SVEP1: variants seen among roughly 807,000 people sequenced by gnomAD.
SVEP1 encodes the protein sushi, von Willebrand factor type A, EGF and pentraxin domain containing 1.
SVEP1 carries 164 observed loss-of-function variants against 367.3 expected under a neutral mutation model. The ratio of observed to expected loss-of-function variants is 0.45; its 90% confidence interval spans 0.39 to 0.51. SVEP1 has a LOEUF of 0.51. Ranked by LOEUF, SVEP1 falls within the 20% of genes least tolerant of loss-of-function variation. SVEP1 has a pLI of 0.00. For synonymous variants in SVEP1, 1,666 were observed against 1,611.6 expected (o/e 1.03, Z -0.81); for missense variants, 4,117 against 4,425.3 (o/e 0.93, Z 1.98).
chr9:110,528,152 G>GTATATATATA (rs1366946066), intron 3 of SVEP1, among the ~76,000 whole-genome samples: 52 of 22,054 alleles, frequency 2.4e-3, no homozygotes, highest in African/African-American at 5.2e-3. Context: ...GTGTGTGTGT[G>GTATATATATA]TGTGTATATA....
intron 37 of SVEP1, 29 bp from the exon 38 acceptor site, chr9:110,408,980 G>A (rs1482642246): frequency 2.6e-6 from 4 of 1,531,030 alleles, no homozygotes; most frequent in Non-Finnish European, 3.5e-6. Flanking sequence ...GCAAGTGAGT[G>A]CGATTTGTAT....
intron 5 of SVEP1, among the ~76,000 whole-genome samples, chr9:110,508,866 A>T (rs1402336935): frequency 6.6e-6 from 1 of 152,106 alleles, no homozygotes; most frequent in Non-Finnish European, 1.5e-5. Context: ...AGTGAGAATC[A>T]AGTTTACCAA....
chr9:110,467,056 A>G lies in SVEP1; in HGVS notation c.3161-1030T>C, dbSNP rs1828949946. ...TAACATGTTTAGCGCATTTCCAATT[A>G]CGTAGCACTGCTCTAGAGTTTATAT... On this transcript the variant is annotated intron_variant, in intron 17 of 47. Transcript: ENST00000374469. Among the ~76,000 whole-genome samples, 3 of 152,090 alleles carry G rather than the reference A, an allele frequency of 2.0e-5. No homozygotes were observed. The South Asian group carries it at 6.2e-4, about 32-fold the overall frequency.
intron 27 of SVEP1, among the ~76,000 whole-genome samples, chr9:110,441,797 T>G (rs948000238): frequency 6.6e-6 from 1 of 152,204 alleles, no homozygotes; most frequent in African/African-American, 2.4e-5. Context: ...TTAGGAATTT[T>G]CACATACACC....
chr9:110,515,643 A>T (rs1254169228), intron 3 of SVEP1, among the ~76,000 whole-genome samples: 1 of 152,180 alleles, frequency 6.6e-6, no homozygotes, highest in Admixed American at 6.5e-5. Flanking sequence ...TAATCCTCAC[A>T]GTATTAATAA....
Position 110,407,410 on chromosome 9 carries a change from A to T in SVEP1, c.8190T>A (p.Phe2730Leu), listed in dbSNP as rs776766034. The change falls in exon 38 of 48, where the codon TTT becomes TTA. Residue 2730 changes from phenylalanine to leucine, a missense_variant. Coordinates refer to ENST00000374469, the MANE Select transcript of SVEP1 (RefSeq NM_153366.4). ...CAGCACTTCCCATGCTAGTCTCTGTAAAACGCAAAAAGCCATTTTCAGGAG... is the reference window on the plus strand; with the variant it reads ...CAGCACTTCCCATGCTAGTCTCTGTTAAACGCAAAAAGCCATTTTCAGGAG... ...PTAPENGFLRFTETSMGSAVQ... is the reference protein window; with the variant it reads ...PTAPENGFLRLTETSMGSAVQ... 8.1e-6 allele frequency: 13 copies of T among 1,613,868 alleles called. No homozygotes were observed. The East Asian group carries it at 1.3e-4, about 17-fold the overall frequency.
At chr9:110,432,274 C>G (rs992782627) in intron 31 of SVEP1, among the ~76,000 whole-genome samples, 188 bp downstream of exon 31, 1 of 152,036 alleles carries the variant, frequency 6.6e-6, no homozygotes, top group Non-Finnish European at 1.5e-5. Context: ...TAATATGGAG[C>G]CTGATAAAAA....
intron 4 of SVEP1, among the ~76,000 whole-genome samples, chr9:110,513,629 C>T (rs1829756715): frequency 6.6e-6 from 1 of 152,102 alleles, no homozygotes; most frequent in Non-Finnish European, 1.5e-5. Context: ...AAGATGAGCT[C>T]ATTTTTATTC....
At chr9:110,513,902 G>A (rs867984521) in intron 4 of SVEP1, 46 bp downstream of exon 4, 1 of 1,570,980 alleles carries the variant, frequency 6.4e-7, no homozygotes, top group Non-Finnish European at 8.7e-7. Context: ...TTCTCTCAGA[G>A]AAATCAGCTT....
At chr9:110,478,351 T>C (rs1230770559) in intron 13 of SVEP1, among the ~76,000 whole-genome samples, 1 of 152,220 alleles carries the variant, frequency 6.6e-6, no homozygotes, top group East Asian at 1.9e-4. Flanking sequence ...CAGGGAGTTT[T>C]GCCTGTTTAT....
At chr9:110,383,638 G>A (rs567282581) in intron 43 of SVEP1, among the ~76,000 whole-genome samples, 1 of 152,344 alleles carries the variant, frequency 6.6e-6, no homozygotes, top group South Asian at 2.1e-4. Context: ...TGGCAGAGCA[G>A]GTAAACTGTG....
In SVEP1 at chr9:110,386,094, ATGCTTAC is replaced by A; in HGVS notation, c.10061-27_10061-21del. Reference sequence around the variant, plus strand: ...GATTTGCTGTCAAAAAGAAAAGAAAATGCTTACTGATATTTCCCCTCTTTTCCTAATG... The same window carrying A: ...GATTTGCTGTCAAAAAGAAAAGAAAATGATATTTCCCCTCTTTTCCTAATG... On this transcript the variant is annotated intron_variant, in intron 42 of 47. Transcript: ENST00000374469. 1 of 1,598,646 alleles carries A rather than the reference ATGCTTAC, an allele frequency of 6.3e-7. No homozygotes were observed.
intron 40 of SVEP1, among the ~76,000 whole-genome samples, chr9:110,393,334 A>T (rs921622148): frequency 3.9e-5 from 6 of 152,218 alleles, no homozygotes; most frequent in Non-Finnish European, 7.3e-5. Flanking sequence ...TCATATGATA[A>T]TTCTTGTACT....
At chr9:110,435,207 G>A in intron 29 of SVEP1, 34 bp downstream of exon 29, 1 of 1,608,014 alleles carries the variant, frequency 6.2e-7, no homozygotes, top group Non-Finnish European at 8.5e-7. Context: ...GTGGTCAAGA[G>A]ATAGTGGAGT....
chr9:110,382,573 C>G (rs1478436327), intron 43 of SVEP1, among the ~76,000 whole-genome samples: 1 of 152,070 alleles, frequency 6.6e-6, no homozygotes, highest in African/African-American at 2.4e-5. Flanking sequence ...GAGTATCTTA[C>G]TGGGGTTCTC....
Position 110,386,084 on chromosome 9 carries a change from AG to A in SVEP1, c.10061-11del, listed in dbSNP as rs778842002. Reference sequence around the variant, plus strand: ...ACAGGGCATGGATTTGCTGTCAAAAAGAAAAGAAAATGCTTACTGATATTTC... The same window carrying A: ...ACAGGGCATGGATTTGCTGTCAAAAAAAAAGAAAATGCTTACTGATATTTC... On this transcript the variant is annotated splice_polypyrimidine_tract_variant and intron_variant, in intron 42 of 47. Transcript: ENST00000374469. 39 of 1,601,582 alleles carry A rather than the reference AG, an allele frequency of 2.4e-5. No individual in the cohort carries two copies. Among genetic ancestry groups the A allele is most frequent in the Non-Finnish European group, 3.2e-5 (38 of 1,174,658 alleles).
chr9:110,483,541 G>T (rs928397819), intron 10 of SVEP1, 45 bp downstream of exon 10: 5 of 1,413,528 alleles, frequency 3.5e-6, no homozygotes, highest in African/African-American at 1.5e-5. Flanking sequence ...AAATAAAAAA[G>T]AATTCATTGC....
chr9:110,533,010 T>G (rs1353411141), intron 3 of SVEP1, among the ~76,000 whole-genome samples: 1 of 152,116 alleles, frequency 6.6e-6, no homozygotes, highest in Non-Finnish European at 1.5e-5. Context: ...TGGCATTAGA[T>G]TCTCATAAGC....
chr9:110,485,227 A>G, intron 9 of SVEP1, among the ~76,000 whole-genome samples: 1 of 152,264 alleles, frequency 6.6e-6, no homozygotes, highest in East Asian at 1.9e-4. Context: ...ATTGTGGTAC[A>G]TAGACACCAT....
Sources: gnomAD v4.1 joint callset for allele counts (sites outside exome capture counted in the v4.1 genomes callset) on GRCh38, gnomAD v4.1.1 for gene constraint, MANE v1.5 for transcripts, NCBI Gene and HGNC (gene_info 2026-07-23, HGNC 2026-07-21) for gene names.